The following ST6GALNAC4 variants were observed in gnomAD, a reference collection of about 807,000 sequenced individuals.
The protein encoded by ST6GALNAC4 is ST6 N-acetylgalactosaminide alpha-2,6-sialyltransferase 4.
A neutral mutation model predicts 30.4 loss-of-function variants in ST6GALNAC4; 24 were observed. That is an observed-to-expected ratio of 0.79 (90% CI 0.57 to 1.11). ST6GALNAC4 has a LOEUF of 1.11. ST6GALNAC4 is among the 50% of genes most tolerant of loss of function. The pLI, the probability that ST6GALNAC4 is intolerant of heterozygous loss-of-function variation, is 0.00. For missense variants in ST6GALNAC4, 365 were observed against 430.1 expected, an observed-to-expected ratio of 0.85 and a Z score of 1.34; for synonymous variants, 156 against 179.7, an observed-to-expected ratio of 0.87 and a Z score of 1.05.
chr9:127,909,719 T>G (rs969933763), intron 5 of ST6GALNAC4, among the ~76,000 whole-genome samples: 10 of 152,196 alleles, frequency 6.6e-5, no homozygotes, highest in African/African-American at 2.4e-4. Flanking sequence ...GTGGCATGAC[T>G]GGCCCGTGAA....
chr9:127,908,645 G>A (rs886457945), intron 5 of ST6GALNAC4, 64 bp from the exon 6 acceptor site: 41 of 1,428,182 alleles, frequency 2.9e-5, no homozygotes, highest in Admixed American at 1.4e-4. Context: ...ACACCCTGCC[G>A]CCTACCTTGA....
chr9:127,909,308 G>A (rs998296724), intron 5 of ST6GALNAC4, among the ~76,000 whole-genome samples: 20 of 151,390 alleles, frequency 1.3e-4, no homozygotes, highest in Non-Finnish European at 2.5e-4. Context: ...AGAATCGCTT[G>A]AACCCGGGAG....
rs766727315 is a variant in ST6GALNAC4 at position 127,912,481 on chromosome 9, A to G, written c.398T>C (p.Leu133Pro). 3.7e-6 allele frequency: 6 copies of G among 1,613,734 alleles called. No homozygotes were observed. The highest frequency in any genetic ancestry group is 1.1e-5 in the South Asian group (1 of 91,070). ...CTGGAAGTAGTGTGAATAGTTGCGC[A>G]GCAGCAGCGGCACGCTTGTGTGTGA... Reference protein sequence around the residue: ...VVSHTSVPLLLRNYSHYFQKA... With the variant: ...VVSHTSVPLLPRNYSHYFQKA... Residue 133 changes from leucine (L) to proline (P), a missense_variant, in exon 4 of 6, where the codon CTG becomes CCG. Coordinates refer to ENST00000335791, the MANE Select transcript of ST6GALNAC4 (RefSeq NM_175039.4).
At chr9:127,916,090 G>T in intron 2 of ST6GALNAC4, 1 of 483,754 alleles carries the variant, frequency 2.1e-6, no homozygotes. Flanking sequence ...CTCACAGCCC[G>T]GGGCTTCTGC....
Position 127,908,176 on chromosome 9 carries a change from G to T in ST6GALNAC4, c.*216C>A. 1 of 208,932 alleles carries T rather than the reference G, an allele frequency of 4.8e-6. No homozygotes were observed. The allele number at this position is 208,932 out of a possible 1,614,324, so 12.9% of individuals were successfully genotyped here. ...CCGTGAATTACTCAGGGAGTGGAGG[G>T]GGGAGACACGGCTCCCCCCTCCACT... On this transcript the variant is annotated 3_prime_UTR_variant, in exon 6 of 6. Transcript: ENST00000335791.
intron 1 of ST6GALNAC4, 76 bp from the exon 2 acceptor site, chr9:127,916,570 G>A: frequency 2.3e-6 from 2 of 882,462 alleles, no homozygotes; most frequent in Non-Finnish European, 3.7e-6. Context: ...AACTGAGGCA[G>A]GAGAGGGTAC....
At chr9:127,915,741 G>A (rs1056693214) in intron 2 of ST6GALNAC4, among the ~76,000 whole-genome samples, 8 of 152,166 alleles carry the variant, frequency 5.3e-5, no homozygotes, top group African/African-American at 1.7e-4. Context: ...TGGTCACCAC[G>A]TGTGTCTCTC....
chr9:127,915,190 C>T (rs988216316), intron 2 of ST6GALNAC4, among the ~76,000 whole-genome samples: 1 of 152,222 alleles, frequency 6.6e-6, no homozygotes, highest in Non-Finnish European at 1.5e-5. Context: ...GTGTACTGTG[C>T]GACCTATGGC....
chr9:127,909,078 T>C (rs1831009382), intron 5 of ST6GALNAC4, among the ~76,000 whole-genome samples: 1 of 151,992 alleles, frequency 6.6e-6, no homozygotes, highest in South Asian at 2.1e-4. Context: ...AACTCGTTAG[T>C]TTCCATAATA....
At position 127,912,675 on chromosome 9, in the gene ST6GALNAC4, C is replaced by T; in HGVS notation, c.204G>A (p.Leu68=). ...GYSSVPDGKP[L]VREPCRSCAV... ...CACAGCTGCGGCAGGGCTCGCGGAC[C>T]AGCGGCTGCAGGGCAGGCAGGGAGA... The change falls in exon 4 of 6, where the codon CTG becomes CTA. Residue 68 remains leucine (L), a synonymous_variant. Transcript: ENST00000335791. 6.4e-7 allele frequency: 1 copy of T among 1,568,600 alleles called. No homozygotes were observed. The highest frequency in any genetic ancestry group is 8.6e-7 in the Non-Finnish European group (1 of 1,159,034).
At chr9:127,912,707 CAG>C (rs769634731) in intron 3 of ST6GALNAC4, 27 bp from the exon 4 acceptor site, 33 of 1,532,908 alleles carry the variant, frequency 2.2e-5, no homozygotes, top group Non-Finnish European at 2.8e-5. Context: ...GAGAAAGAGA[CAG>C]AGAGGCATGA....
chr9:127,914,863 G>T, intron 2 of ST6GALNAC4, 22 bp from the exon 3 acceptor site: 3 of 1,452,672 alleles, frequency 2.1e-6, no homozygotes, highest in Non-Finnish European at 2.7e-6. Context: ...AGTGGCCATG[G>T]GGGGGTGTAT....
At chr9:127,912,155 C>T in intron 4 of ST6GALNAC4, 113 bp downstream of exon 4, 1 of 1,361,524 alleles carries the variant, frequency 7.3e-7, no homozygotes, top group Non-Finnish European at 9.9e-7. Flanking sequence ...TGTCTGCCTC[C>T]ATGAGTGCTG....
At chr9:127,910,105 G>A (rs769069497) in intron 4 of ST6GALNAC4, 47 bp from the exon 5 acceptor site, 131 of 1,602,592 alleles carry the variant, frequency 8.2e-5, no homozygotes, top group Admixed American at 2.7e-4. Flanking sequence ...AAGAGGCCAT[G>A]TGGTAGCTCC....
At chr9:127,913,924 G>A (rs1451981124) in intron 3 of ST6GALNAC4, among the ~76,000 whole-genome samples, 1 of 152,174 alleles carries the variant, frequency 6.6e-6, no homozygotes, top group Non-Finnish European at 1.5e-5. Context: ...GCGCATGATG[G>A]CCTACTGTGA....
intron 5 of ST6GALNAC4, among the ~76,000 whole-genome samples, chr9:127,908,800 G>C (rs1356889309): frequency 6.6e-6 from 1 of 152,146 alleles, no homozygotes; most frequent in African/African-American, 2.4e-5. Flanking sequence ...CTGGGCCAGA[G>C]ATGGACGCTG....
At chr9:127,911,903 G>A (rs1166331569) in intron 4 of ST6GALNAC4, among the ~76,000 whole-genome samples, 2 of 152,174 alleles carry the variant, frequency 1.3e-5, no homozygotes, top group Admixed American at 1.3e-4. Flanking sequence ...GATTACAGGC[G>A]TGAGCCACCG....
intron 4 of ST6GALNAC4, among the ~76,000 whole-genome samples, chr9:127,910,717 G>A (rs868227408): frequency 6.6e-6 from 1 of 152,324 alleles, no homozygotes; most frequent in Middle Eastern, 3.4e-3. Context: ...TACAGAGCGG[G>A]TATGAACTGG....
In ST6GALNAC4 at chr9:127,911,156, G is replaced by C. The variant is rs115131496; in HGVS notation, c.612-1098C>G. The stretch of plus-strand genomic sequence containing the variant: ...ACAGGGAGACTGAAGGAGACACAAA[G>C]TCACAGAGGCAGGCAGAGGCAGGAT... On this transcript the variant is annotated intron_variant, in intron 4 of 5. Transcript: ENST00000335791. Among the ~76,000 whole-genome samples the C allele has an allele frequency of 7.9e-3, 1,201 of 152,294 alleles. 15 individuals are homozygous for C. The highest frequency in any genetic ancestry group is 0.027 in the African/African-American group (1,142 of 41,556).
Sources: allele counts gnomAD v4.1 joint callset (sites outside exome capture counted in the v4.1 genomes callset), GRCh38; gene constraint gnomAD v4.1.1; transcripts MANE v1.5; gene names NCBI Gene and HGNC (gene_info 2026-07-23, HGNC 2026-07-21).